The following ENOX1 variants were observed in gnomAD, a reference collection of about 807,000 sequenced individuals.
The protein encoded by ENOX1 is ecto-NOX disulfide-thiol exchanger 1, also known as candidate growth-related and time keeping constitutive hydroquinone (NADH) oxidase.
A neutral mutation model predicts 82.5 loss-of-function variants in ENOX1; 42 were observed. The observed-to-expected ratio is 0.51, with a 90% CI of 0.40 to 0.66. The LOEUF (loss-of-function observed/expected upper bound fraction) is 0.66. Among genes scored for constraint, ENOX1 ranks in the 30% least tolerant of loss-of-function variants. ENOX1 has a pLI of 0.00. For synonymous variants in ENOX1, 271 were observed against 282.2 expected, an observed-to-expected ratio of 0.96 and a Z score of 0.40; for missense variants, 608 against 811.6, an observed-to-expected ratio of 0.75 and a Z score of 3.05.
intron 11 of ENOX1, among the ~76,000 whole-genome samples, chr13:43,300,331 A>G (rs2046503515): frequency 6.6e-6 from 1 of 152,218 alleles, no homozygotes; most frequent in Non-Finnish European, 1.5e-5. Context: ...TGATGTCTGG[A>G]ATACAGCAGA....
intron 2 of ENOX1, among the ~76,000 whole-genome samples, chr13:43,612,584 G>T (rs1418762824): frequency 6.6e-6 from 1 of 152,028 alleles, no homozygotes; most frequent in Non-Finnish European, 1.5e-5. Flanking sequence ...CAGACTTCAG[G>T]GCTCCTAGAA....
intron 3 of ENOX1, among the ~76,000 whole-genome samples, chr13:43,415,901 CG>C (rs1296612317): frequency 8.1e-6 from 1 of 124,014 alleles, no homozygotes; most frequent in Admixed American, 8.1e-5. Flanking sequence ...ACTTCCCAGA[CG>C]GGGCGGCCGG....
At chr13:43,480,286 G>C (rs951369687) in intron 3 of ENOX1, among the ~76,000 whole-genome samples, 1 of 152,106 alleles carries the variant, frequency 6.6e-6, no homozygotes, top group Non-Finnish European at 1.5e-5. Flanking sequence ...GCATCACAAA[G>C]AACTGTCCCA....
At chr13:43,501,552 AAG>A (rs1214252963) in intron 2 of ENOX1, among the ~76,000 whole-genome samples, 1 of 151,732 alleles carries the variant, frequency 6.6e-6, no homozygotes, top group African/African-American at 2.4e-5. Context: ...AAATCATACC[AAG>A]TATCTTTCTG....
intron 1 of ENOX1, among the ~76,000 whole-genome samples, chr13:43,753,683 T>C (rs1313224734): frequency 6.6e-6 from 1 of 152,234 alleles, no homozygotes; most frequent in African/African-American, 2.4e-5. Context: ...TATATTTCTA[T>C]GCCTTTGGCC....
At chr13:43,377,450 A>G (rs941700743) in intron 5 of ENOX1, among the ~76,000 whole-genome samples, 6 of 152,240 alleles carry the variant, frequency 3.9e-5, no homozygotes, top group Admixed American at 3.9e-4. Context: ...TTATAGCAGC[A>G]TAAATGAACT....
chr13:43,785,299 G>GC (rs1359223899), intron 1 of ENOX1, among the ~76,000 whole-genome samples: 1 of 152,124 alleles, frequency 6.6e-6, no homozygotes, highest in African/African-American at 2.4e-5. Context: ...TCTCGAGCGG[G>GC]CCCACCAGCT....
At chr13:43,355,552 C>T (rs889517307) in intron 8 of ENOX1, among the ~76,000 whole-genome samples, 24 of 152,188 alleles carry the variant, frequency 1.6e-4, no homozygotes, top group African/African-American at 5.8e-4. Context: ...TAGTTGCTGG[C>T]TCATTAAACA....
At chr13:43,405,687 A>G (rs1410753896) in intron 5 of ENOX1, among the ~76,000 whole-genome samples, 1 of 152,154 alleles carries the variant, frequency 6.6e-6, no homozygotes, top group African/African-American at 2.4e-5. Flanking sequence ...TGTCTCATGA[A>G]TCCCTTCAGG....
chr13:43,233,372 T>C (rs1405536894), intron 15 of ENOX1, among the ~76,000 whole-genome samples: 6 of 152,220 alleles, frequency 3.9e-5, no homozygotes, highest in Non-Finnish European at 5.9e-5. Context: ...CGAACTCTAA[T>C]AATACTCAGG....
chr13:43,426,794 T>C (rs2055333724), intron 3 of ENOX1, among the ~76,000 whole-genome samples: 1 of 152,304 alleles, frequency 6.6e-6, no homozygotes, highest in East Asian at 1.9e-4. Context: ...TCATCCAAGA[T>C]ATCAACTTGA....
chr13:43,267,568 G>A (rs9567139), intron 13 of ENOX1, among the ~76,000 whole-genome samples: 7,081 of 152,292 alleles, frequency 0.046, 220 homozygotes, highest in East Asian at 0.13. Flanking sequence ...CCACATCTAT[G>A]TGGGCACTGA....
chr13:43,327,747 A>G (rs1010427642), intron 9 of ENOX1, among the ~76,000 whole-genome samples: 1 of 152,226 alleles, frequency 6.6e-6, no homozygotes, highest in Non-Finnish European at 1.5e-5. Flanking sequence ...TAATCCCCAC[A>G]GAAGAACAAC....
At chr13:43,643,751 T>C (rs1271206906) in intron 2 of ENOX1, among the ~76,000 whole-genome samples, 5 of 151,998 alleles carry the variant, frequency 3.3e-5, no homozygotes, top group Non-Finnish European at 7.4e-5. Flanking sequence ...ATTTTCTACA[T>C]AGTAGCAGCA....
chr13:43,637,129 T>C (rs2083443267), intron 2 of ENOX1, among the ~76,000 whole-genome samples: 1 of 152,194 alleles, frequency 6.6e-6, no homozygotes, highest in African/African-American at 2.4e-5. Flanking sequence ...TGGAGAAAAC[T>C]GTACCTTTCA....
intron 2 of ENOX1, among the ~76,000 whole-genome samples, chr13:43,557,259 T>C (rs1446972638): frequency 6.6e-6 from 1 of 152,200 alleles, no homozygotes; most frequent in Non-Finnish European, 1.5e-5. Context: ...ATATCTTCTC[T>C]AGAAGCAGCA....
intron 9 of ENOX1, among the ~76,000 whole-genome samples, chr13:43,330,847 A>G (rs1033452910): frequency 6.6e-6 from 1 of 152,192 alleles, no homozygotes; most frequent in Non-Finnish European, 1.5e-5. Context: ...CGCACCTAGC[A>G]TACACACATT....
chr13:43,747,073 T>A (rs927519529), intron 1 of ENOX1, among the ~76,000 whole-genome samples: 1 of 152,108 alleles, frequency 6.6e-6, no homozygotes. Context: ...CAAGTATAAG[T>A]GGCATGCCTC....
intron 2 of ENOX1, among the ~76,000 whole-genome samples, chr13:43,549,896 C>T (rs1026641394): frequency 6.6e-6 from 1 of 152,192 alleles, no homozygotes; most frequent in African/African-American, 2.4e-5. Context: ...ACACTAGTAT[C>T]AAGGCTCTAA....
Sources: allele counts gnomAD v4.1 joint callset (sites outside exome capture counted in the v4.1 genomes callset), GRCh38; gene constraint gnomAD v4.1.1; transcripts MANE v1.5; gene names NCBI Gene and HGNC (gene_info 2026-07-23, HGNC 2026-07-21).